TRIM48: variants seen among roughly 807,000 people sequenced by gnomAD.
TRIM48 encodes E3 ubiquitin-protein ligase TRIM48.
In TRIM48, 31 loss-of-function variants were observed where a neutral mutation model predicts 29.5. The ratio of observed to expected loss-of-function variants is 1.05; its 90% CI spans 0.79 to 1.42. The LOEUF (loss-of-function observed/expected upper bound fraction) is 1.42. Among genes scored for constraint, TRIM48 ranks in the 40% most tolerant of loss-of-function variants. TRIM48 has a pLI of 0.00. For synonymous variants in TRIM48, 128 were observed against 90.6 expected (o/e 1.41, Z -2.34); for missense variants, 344 against 265.0 (o/e 1.30, Z -2.07).
chr11:55,267,258 A>G, intron 3 of TRIM48: 3 of 897,826 alleles, frequency 3.3e-6, no homozygotes, highest in Non-Finnish European at 4.9e-6. Context: ...TTATGCAGAA[A>G]GAAAGGAAAG....
intron 1 of TRIM48, among the ~76,000 whole-genome samples, chr11:55,262,815 A>AAC (rs1554966783): frequency 2.5e-4 from 1 of 3,994 alleles, no homozygotes; most frequent in Admixed American, 6.3e-3. Context: ...TGACCAAATA[A>AAC]ATATATGATA....
chr11:55,262,870 T>C (rs1183125167), intron 1 of TRIM48, among the ~76,000 whole-genome samples: 1 of 152,144 alleles, frequency 6.6e-6, no homozygotes, highest in African/African-American at 2.4e-5. Context: ...TGAGTTTTAA[T>C]CTTATTAAAC....
intron 1 of TRIM48, among the ~76,000 whole-genome samples, chr11:55,264,337 G>T (rs773955289): frequency 1.4e-4 from 21 of 147,672 alleles, no homozygotes; most frequent in African/African-American, 4.5e-4. Context: ...TTTGGATTTG[G>T]TTTTTTATTT....
chr11:55,270,810 A>G lies in TRIM48; in HGVS notation c.*375A>G. 6.3e-7 allele frequency: 1 copy of G among 1,575,076 alleles called. No homozygotes were observed. Among genetic ancestry groups the G allele is most frequent in the South Asian group, 1.2e-5 (1 of 83,482 alleles). ...CAAGACCTACCAACCATGTAGAATT[A>G]TTCCTGGATTGTGAAGCTAGAACTG... On this transcript the variant is annotated 3_prime_UTR_variant, in exon 6 of 6. Coordinates refer to ENST00000417545, the MANE Select transcript of TRIM48 (RefSeq NM_024114.5).
chr11:55,270,390 TTTTCTTTCTTTC>T (rs571082671), intron 5 of TRIM48, 35 bp from the exon 6 acceptor site: 1 of 1,365,290 alleles, frequency 7.3e-7, no homozygotes, highest in African/African-American at 1.5e-5. Flanking sequence ...CCTATGCATG[TTTTCTTTCTTTC>T]TTTCTTTCTA....
At position 55,265,326 on chromosome 11, in the gene TRIM48, C is replaced by T. The variant is rs1228527623; in HGVS notation, c.459+12C>T. On this transcript the variant is annotated intron_variant, in intron 2 of 5. Transcript: ENST00000417545. The stretch of plus-strand genomic sequence containing the variant: ...CTGAGGAACACTGGGTAAGTGATGC[C>T]TCTGAAGATCTATTTCTATAAAGGA... 19 of 1,581,794 alleles carry T rather than the reference C, an allele frequency of 1.2e-5. No individual in the cohort carries two copies. The highest frequency in any genetic ancestry group is 1.5e-5 in the Non-Finnish European group (17 of 1,166,000).
chr11:55,264,019 C>T (rs1260795389), intron 1 of TRIM48, among the ~76,000 whole-genome samples: 1 of 152,132 alleles, frequency 6.6e-6, no homozygotes, highest in African/African-American at 2.4e-5. Flanking sequence ...CCTCCGGAAA[C>T]ACCTTCACAG....
chr11:55,269,415 T>C, intron 5 of TRIM48, 76 bp downstream of exon 5: 3 of 1,506,482 alleles, frequency 2.0e-6, no homozygotes, highest in Non-Finnish European at 2.7e-6. Flanking sequence ...TAATATTTCA[T>C]CCTTTATCAA....
At position 55,270,429 on chromosome 11, in the gene TRIM48, T is replaced by C. The variant is rs1857463998; in HGVS notation, c.*2-8T>C. On this transcript the variant is annotated splice_polypyrimidine_tract_variant and splice_region_variant and intron_variant, in intron 5 of 5. Transcript: ENST00000417545. The stretch of plus-strand genomic sequence containing the variant: ...TTCTTTCTATTTATTTATTTATTTA[T>C]TTTGCAGTGGATATTACTCTGCATC... 7.0e-7 allele frequency: 1 copy of C among 1,430,454 alleles called. No homozygotes were observed. 88.6% of individuals were successfully genotyped at this position (1,430,454 alleles called of 1,614,324 possible).
intron 1 of TRIM48, among the ~76,000 whole-genome samples, chr11:55,263,447 G>T (rs1857335098): frequency 6.6e-6 from 1 of 151,904 alleles, no homozygotes; most frequent in Non-Finnish European, 1.5e-5. Context: ...GAGGCCGGGA[G>T]TTCAAGTCCA....
rs1250294684 is a variant in TRIM48, at chr11:55,268,612, C to G, written c.578+240C>G. Among the ~76,000 whole-genome samples, 2 of 147,384 alleles carry G rather than the reference C, an allele frequency of 1.4e-5. 1 individual carries two copies. The highest frequency in any genetic ancestry group is 5.0e-5 in the African/African-American group (2 of 40,242). On this transcript the variant is annotated intron_variant, in intron 4 of 5. Transcript: ENST00000417545. ...CTGACTTTGTTTTATTGCTTAAAAG[C>G]CTGCATAGGTGAAAGATGAAGTTTT...
intron 1 of TRIM48, 70 bp downstream of exon 1, chr11:55,262,381 A>T (rs1857316273): frequency 1.8e-6 from 2 of 1,095,870 alleles, no homozygotes; most frequent in Non-Finnish European, 2.7e-6. Flanking sequence ...GAGTGTTAAA[A>T]ATATCTCATT....
intron 1 of TRIM48, among the ~76,000 whole-genome samples, chr11:55,263,492 G>GA (rs879822190): frequency 0.016 from 2,290 of 143,718 alleles, 42 homozygotes; most frequent in African/African-American, 0.049. Context: ...ATCTCTACTG[G>GA]AAAAAAAAAA....
intron 4 of TRIM48, among the ~76,000 whole-genome samples, chr11:55,268,946 G>T (rs537720422): frequency 6.8e-6 from 1 of 147,776 alleles, no homozygotes; most frequent in Admixed American, 6.9e-5. Flanking sequence ...AGTCTGCCAA[G>T]AAGTGGAACT....
Position 55,265,153 on chromosome 11 carries a change from C to G in TRIM48, c.298C>G (p.Leu100Val). Residue 100 changes from leucine to valine, a missense_variant, in exon 2 of 6, where the codon CTA becomes GTA. By Grantham distance (32) the Leu-to-Val change is conservative (BLOSUM62 1). Transcript: ENST00000417545. ...CCTTGCCAGAAAAGCCAGTCTCTGG[C>G]TATTCCTGAGCTCTGAGGAGCAAAT... is the stretch of plus-strand genomic sequence containing the variant. ...ASLARKASLW[L>V]FLSSEEQMCG... 6.3e-7 allele frequency: 1 copy of G among 1,582,786 alleles called. No individual in the cohort carries two copies. The highest frequency in any genetic ancestry group is 1.7e-5 in the Admixed American group (1 of 58,542).
At chr11:55,268,808 G>T (rs1390891851) in intron 4 of TRIM48, among the ~76,000 whole-genome samples, 1 of 147,846 alleles carries the variant, frequency 6.8e-6, no homozygotes, top group African/African-American at 2.5e-5. Flanking sequence ...TAAGTCTCTA[G>T]GGAAGCTTGT....
In TRIM48 at chr11:55,270,542, C is replaced by T. The variant is rs1201353490; in HGVS notation, c.*107C>T. The T allele has an allele frequency of 1.3e-6, 2 of 1,582,870 alleles. No homozygotes were observed. Among genetic ancestry groups the T allele is most frequent in the Admixed American group, 1.7e-5 (1 of 58,318 alleles). On this transcript the variant is annotated 3_prime_UTR_variant, in exon 6 of 6. Coordinates refer to ENST00000417545, the MANE Select transcript of TRIM48 (RefSeq NM_024114.5). ...GACCGTCAAAATCCGCCCCATATCA[C>T]TGCAACACCTACAAGTTTTCTTGCA...
chr11:55,269,444 A>G (rs61894894), intron 5 of TRIM48, 105 bp downstream of exon 5: 93,621 of 1,389,344 alleles, frequency 0.067, 10,248 homozygotes, highest in Non-Finnish European at 0.073. Flanking sequence ...CTACTTTATA[A>G]GCATAAGAGA....
intron 1 of TRIM48, 24 bp from the exon 2 acceptor site, chr11:55,264,876 G>T (rs533579917): frequency 3.2e-6 from 5 of 1,582,582 alleles, no homozygotes; most frequent in Middle Eastern, 2.2e-4. Flanking sequence ...ACCCCAAAAT[G>T]ACATGCTGCT....
Sources: gnomAD v4.1 joint callset for allele counts (sites outside exome capture counted in the v4.1 genomes callset) on GRCh38, gnomAD v4.1.1 for gene constraint, MANE v1.5 for transcripts, NCBI Gene and HGNC (gene_info 2026-07-23, HGNC 2026-07-21) for gene names.